The following CNTNAP2 variants were observed in gnomAD, a reference collection of about 807,000 sequenced individuals.
CNTNAP2 encodes the protein contactin-associated protein-like 2.
In CNTNAP2, 98 loss-of-function variants were observed where a neutral mutation model predicts 155.2. The ratio of observed to expected loss-of-function variants is 0.63; its 90% confidence interval spans 0.54 to 0.75. The LOEUF is 0.75. Among genes scored for constraint, CNTNAP2 ranks in the 30% least tolerant of loss-of-function variants. The probability of loss-of-function intolerance (pLI) is 0.00; values close to 1 mark genes in which losing one functional copy is unlikely to be tolerated. For synonymous variants in CNTNAP2, 651 were observed against 631.2 expected (o/e 1.03, Z -0.47); for missense variants, 1,727 against 1,688.1 (o/e 1.02, Z -0.40).
intron 1 of CNTNAP2, among the ~76,000 whole-genome samples, chr7:146,600,115 T>C (rs1362461727): frequency 1.3e-5 from 2 of 152,092 alleles, no homozygotes; most frequent in East Asian, 3.9e-4. Context: ...TAAAGAGGTA[T>C]TTCAGTGGCT....
rs1797511680 is a variant in CNTNAP2 at position 147,773,668 on chromosome 7, C to T, written c.2099-129897C>T. On this transcript the variant is annotated intron_variant, in intron 13 of 23. Coordinates refer to ENST00000361727, the MANE Select transcript of CNTNAP2 (RefSeq NM_014141.6). ...TTCAAGCCCTAATCTCTTACCTGGA[C>T]TGTGGCAGTATACTACCTCTTAACT... 4.6e-5 allele frequency among the ~76,000 whole-genome samples: 7 copies of T among 152,256 alleles called. No homozygotes were observed. In the South Asian group the frequency reaches 6.2e-4, roughly 14 times the overall value.
At chr7:147,900,991 A>G (rs1799859612) in intron 13 of CNTNAP2, among the ~76,000 whole-genome samples, 2 of 152,108 alleles carry the variant, frequency 1.3e-5, no homozygotes, top group African/African-American at 4.8e-5. Flanking sequence ...TAGACTTTTG[A>G]TGATGATCTT....
intron 3 of CNTNAP2, among the ~76,000 whole-genome samples, chr7:146,961,588 A>G (rs1797559152): frequency 6.6e-6 from 1 of 152,086 alleles, no homozygotes; most frequent in Non-Finnish European, 1.5e-5. Context: ...CCATGCCATT[A>G]TATTATGTCA....
At chr7:147,705,667 T>G (rs1164383291) in intron 13 of CNTNAP2, among the ~76,000 whole-genome samples, 1 of 152,174 alleles carries the variant, frequency 6.6e-6, no homozygotes, top group Non-Finnish European at 1.5e-5. Flanking sequence ...TTCCCAACTA[T>G]TATCGTATTG....
intron 3 of CNTNAP2, among the ~76,000 whole-genome samples, chr7:146,946,214 A>G (rs1797170415): frequency 6.6e-6 from 1 of 151,310 alleles, no homozygotes; most frequent in Non-Finnish European, 1.5e-5. Flanking sequence ...ATTCCCCTGT[A>G]GAATCAGAAA....
chr7:147,013,939 C>T (rs1008271070), intron 3 of CNTNAP2, among the ~76,000 whole-genome samples: 18 of 152,148 alleles, frequency 1.2e-4, no homozygotes, highest in Admixed American at 1.2e-3. Flanking sequence ...AAGTTGTGGA[C>T]AAGTTAATGA....
intron 5 of CNTNAP2, among the ~76,000 whole-genome samples, chr7:147,111,500 G>A (rs1345398655): frequency 6.6e-6 from 1 of 152,054 alleles, no homozygotes; most frequent in African/African-American, 2.4e-5. Flanking sequence ...TAGAGTTTTG[G>A]GTTTTAAATT....
chr7:147,533,480 C>A (rs955717405), intron 11 of CNTNAP2, among the ~76,000 whole-genome samples: 1 of 151,168 alleles, frequency 6.6e-6, no homozygotes, highest in Non-Finnish European at 1.5e-5. Context: ...TTTAGTGATA[C>A]AGAAATAAAA....
chr7:147,819,614 T>C (rs1798330944), intron 13 of CNTNAP2, among the ~76,000 whole-genome samples: 1 of 152,200 alleles, frequency 6.6e-6, no homozygotes, highest in South Asian at 2.1e-4. Flanking sequence ...TTGACAAATG[T>C]ATACACCTGT....
At chr7:148,279,881 A>G (rs1390070785) in intron 21 of CNTNAP2, among the ~76,000 whole-genome samples, 2 of 152,242 alleles carry the variant, frequency 1.3e-5, no homozygotes, top group African/African-American at 4.8e-5. Context: ...CCAAAAGGTT[A>G]CATACCCAAT....
intron 22 of CNTNAP2, among the ~76,000 whole-genome samples, chr7:148,390,290 GAAAC>G (rs1201114149): frequency 1.3e-5 from 2 of 152,062 alleles, no homozygotes; most frequent in Non-Finnish European, 2.9e-5. Context: ...AAGCAGACTT[GAAAC>G]AAACAAATGA....
intron 2 of CNTNAP2, among the ~76,000 whole-genome samples, chr7:146,818,059 G>A (rs1416544705): frequency 6.6e-6 from 1 of 152,028 alleles, no homozygotes; most frequent in Non-Finnish European, 1.5e-5. Flanking sequence ...GTGTGGTTAA[G>A]GGTTTCTGTA....
chr7:147,324,313 C>T (rs1321471876), intron 9 of CNTNAP2, among the ~76,000 whole-genome samples: 1 of 152,134 alleles, frequency 6.6e-6, no homozygotes, highest in Non-Finnish European at 1.5e-5. Flanking sequence ...GGATAATTAA[C>T]CATATTTTAA....
chr7:147,813,924 A>G (rs752712489), intron 13 of CNTNAP2, among the ~76,000 whole-genome samples: 6 of 152,182 alleles, frequency 3.9e-5, no homozygotes, highest in Non-Finnish European at 7.4e-5. Context: ...TTGTTTGGGC[A>G]ATATGATGGT....
intron 21 of CNTNAP2, among the ~76,000 whole-genome samples, chr7:148,326,938 G>A (rs139849384): frequency 8.3e-4 from 126 of 152,240 alleles, no homozygotes; most frequent in African/African-American, 2.8e-3. Context: ...GCAGATGTGG[G>A]CCACAGTTTT....
At chr7:147,607,603 C>T (rs75048590) in intron 12 of CNTNAP2, among the ~76,000 whole-genome samples, 224 of 152,254 alleles carry the variant, frequency 1.5e-3, no homozygotes, top group African/African-American at 4.9e-3. Flanking sequence ...TTAATCTTCC[C>T]ATGTTTGAAG....
At chr7:148,111,559 A>G (rs143711379) in intron 15 of CNTNAP2, among the ~76,000 whole-genome samples, 1,653 of 152,218 alleles carry the variant, frequency 0.011, 20 homozygotes, top group South Asian at 0.042. Flanking sequence ...TCTAAAATAA[A>G]TAGGTGTTTG....
chr7:147,995,324 C>T (rs1801783146), intron 15 of CNTNAP2, among the ~76,000 whole-genome samples: 1 of 152,150 alleles, frequency 6.6e-6, no homozygotes, highest in Non-Finnish European at 1.5e-5. Flanking sequence ...CCATGGGAAG[C>T]ACTTCTCCAG....
intron 1 of CNTNAP2, among the ~76,000 whole-genome samples, chr7:146,720,356 C>T (rs896264330): frequency 3.9e-5 from 6 of 152,028 alleles, no homozygotes; most frequent in East Asian, 1.9e-4. Flanking sequence ...CAGCTTTCCA[C>T]GTTACAAAAG....
Sources: gnomAD v4.1 joint callset for allele counts (sites outside exome capture counted in the v4.1 genomes callset) on GRCh38, gnomAD v4.1.1 for gene constraint, MANE v1.5 for transcripts, NCBI Gene and HGNC (gene_info 2026-07-23, HGNC 2026-07-21) for gene names.